The following MPRIP variants were observed in gnomAD, a reference collection of about 807,000 sequenced individuals.
MPRIP encodes myosin phosphatase Rho-interacting protein.
MPRIP carries 59 observed loss-of-function variants against 234.9 expected under a neutral mutation model. The observed-to-expected ratio is 0.25, with a 90% CI of 0.20 to 0.31. The LOEUF is 0.31. Among genes scored for constraint, MPRIP ranks in the 10% least tolerant of loss-of-function variants. The probability of loss-of-function intolerance (pLI) is 1.00; values close to 1 mark genes in which losing one functional copy is unlikely to be tolerated. For missense variants in MPRIP, 2,436 were observed against 3,071.0 expected (o/e 0.79, Z 4.89); for synonymous variants, 1,144 against 1,263.9 (o/e 0.91, Z 2.01).
At chr17:17,180,445 A>G (rs1268295539) in intron 23 of MPRIP, among the ~76,000 whole-genome samples, 2 of 152,212 alleles carry the variant, frequency 1.3e-5, no homozygotes, top group Admixed American at 6.5e-5. Flanking sequence ...TGCCGCCTCC[A>G]AGAGATGATG....
intron 1 of MPRIP, among the ~76,000 whole-genome samples, chr17:17,064,206 GTT>G (rs796815329): frequency 7.1e-6 from 1 of 140,518 alleles, no homozygotes. Flanking sequence ...TTTTTGTTTT[GTT>G]TTTTTTTTTT....
At chr17:17,085,712 G>A (rs1466014679) in intron 3 of MPRIP, among the ~76,000 whole-genome samples, 2 of 152,224 alleles carry the variant, frequency 1.3e-5, no homozygotes, top group East Asian at 3.9e-4. Flanking sequence ...AGGAGATCGA[G>A]ACCATCTAGC....
At position 17,158,862 on chromosome 17, in the gene MPRIP, A is replaced by T; in HGVS notation, c.2260A>T (p.Ile754Phe). 6.2e-7 allele frequency: 1 copy of T among 1,611,902 alleles called. No homozygotes were observed. Among genetic ancestry groups the T allele is most frequent in the East Asian group, 2.2e-5 (1 of 44,878 alleles). Residue 754 changes from isoleucine (I) to phenylalanine (F), a missense_variant, in exon 14 of 24, where the codon ATT (isoleucine) becomes TTT (phenylalanine). By Grantham distance (21) the Ile-to-Phe change is conservative. Around this residue, in one of 4 missense-constraint regions of MPRIP, gnomAD observed 1,998 missense variants for 2,520.3 expected, o/e 0.79. Transcript: ENST00000651222. ...DLKTHNVHVE[I>F]EQRWHQVETT... ...CAAAACGCATAACGTCCACGTGGAG[A>T]TTGAGCAGCGGTGGCATCAGGTGGA...
At chr17:17,160,356 G>C (rs952068296) in intron 14 of MPRIP, among the ~76,000 whole-genome samples, 6 of 152,114 alleles carry the variant, frequency 3.9e-5, no homozygotes, top group Non-Finnish European at 5.9e-5. Context: ...CAGAGCGAGA[G>C]TCCATCTCAA....
At position 17,158,558 on chromosome 17, in the gene MPRIP, G is replaced by T. The variant is rs1427295380; in HGVS notation, c.1956G>T (p.Arg652=). The part of the protein sequence containing the change: ...PEQKRSRARE[R]RREGRSKTFD... ...AGAAGAGGAGCCGCGCACGGGAGCG[G>T]AGGCGAGAGGGCCGCTCCAAGACCT... Residue 652 remains arginine, a synonymous_variant, in exon 14 of 24, where the codon CGG becomes CGT. Coordinates refer to ENST00000651222, the MANE Select transcript of MPRIP (RefSeq NM_001364716.4). The T allele has an allele frequency of 6.2e-7, 1 of 1,611,512 alleles. No homozygotes were observed. The highest frequency in any genetic ancestry group is 1.1e-5 in the South Asian group (1 of 90,944).
chr17:17,182,462 C>T (rs2046392193), intron 23 of MPRIP: 1 of 145,526 alleles, frequency 6.9e-6, no homozygotes. Flanking sequence ...CTACAGGAGG[C>T]ACTCAGTGGA....
intron 3 of MPRIP, among the ~76,000 whole-genome samples, chr17:17,083,142 G>A (rs2089505226): frequency 6.6e-6 from 1 of 152,238 alleles, no homozygotes; most frequent in East Asian, 1.9e-4. Context: ...GCCTGACTGT[G>A]TAGGGGCTGT....
At chr17:17,088,420 T>A (rs1452341104) in intron 3 of MPRIP, among the ~76,000 whole-genome samples, 1 of 152,226 alleles carries the variant, frequency 6.6e-6, no homozygotes, top group Non-Finnish European at 1.5e-5. Flanking sequence ...AAGCTTGGAA[T>A]AGTTGGTTAG....
chr17:17,174,553 C>T (rs1275370394), intron 19 of MPRIP, among the ~76,000 whole-genome samples: 3 of 152,168 alleles, frequency 2.0e-5, no homozygotes, highest in Non-Finnish European at 4.4e-5. Context: ...TTTGCTTGCT[C>T]TGTCCGGGCG....
At chr17:17,126,358 T>C (rs1050907373) in intron 3 of MPRIP, among the ~76,000 whole-genome samples, 1 of 152,184 alleles carries the variant, frequency 6.6e-6, no homozygotes, top group African/African-American at 2.4e-5. Context: ...TGGAGCTTTT[T>C]CTTGCTTCTC....
intron 2 of MPRIP, 31 bp from the exon 3 acceptor site, chr17:17,077,980 T>A (rs778316081): frequency 3.7e-5 from 59 of 1,613,396 alleles, no homozygotes; most frequent in Admixed American, 5.0e-5. Flanking sequence ...ACCCAGATCC[T>A]CCTAACCACC....
intron 4 of MPRIP, 36 bp from the exon 5 acceptor site, chr17:17,131,581 G>T (rs756018870): frequency 1.3e-6 from 2 of 1,580,286 alleles, no homozygotes; most frequent in East Asian, 4.5e-5. Context: ...GAGTGCCAGG[G>T]TCTTACCTGG....
At chr17:17,128,454 TC>T (rs2090535039) in intron 4 of MPRIP, among the ~76,000 whole-genome samples, 1 of 152,162 alleles carries the variant, frequency 6.6e-6, no homozygotes, top group Non-Finnish European at 1.5e-5. Flanking sequence ...CCTCACTCCA[TC>T]CCAAGCCCCT....
rs904208416 is a variant in MPRIP, at chr17:17,143,573, C to A, written c.1407C>A (p.Ala469=). 1 of 1,597,584 alleles carries A rather than the reference C, an allele frequency of 6.3e-7. No individual in the cohort carries two copies. Among genetic ancestry groups the A allele is most frequent in the Non-Finnish European group, 8.5e-7 (1 of 1,172,012 alleles). Residue 469 remains alanine, a synonymous_variant, in exon 9 of 24, where the codon GCC becomes GCA. Coordinates refer to ENST00000651222, the MANE Select transcript of MPRIP (RefSeq NM_001364716.4). ...FPRKRDFTNE[A]PPAPLPDASA... ...TGCCACAGGACTTCACCAATGAAGC[C>A]CCCCCAGCTCCTCTCCCAGACGCCT...
chr17:17,152,252 C>T (rs758803743), intron 12 of MPRIP, among the ~76,000 whole-genome samples: 3 of 152,374 alleles, frequency 2.0e-5, no homozygotes, highest in East Asian at 1.9e-4. Context: ...TGTCCTCATC[C>T]GCTGTGGGAG....
chr17:17,103,555 A>G (rs2090005058), intron 3 of MPRIP, among the ~76,000 whole-genome samples: 1 of 152,194 alleles, frequency 6.6e-6, no homozygotes. Context: ...TTGTTTTTGC[A>G]GGAGACGGAG....
chr17:17,154,424 G>A lies in MPRIP; in HGVS notation c.1829+9G>A, dbSNP rs751686618. 1.2e-5 allele frequency: 20 copies of A among 1,612,824 alleles called. No individual in the cohort carries two copies. The highest frequency in any genetic ancestry group is 1.3e-5 in the African/African-American group (1 of 74,906). On this transcript the variant is annotated intron_variant, in intron 13 of 23. Coordinates refer to ENST00000651222, the MANE Select transcript of MPRIP (RefSeq NM_001364716.4). ...GCCCCGGATGTGACCAGGTAGGATG[G>A]TGAAGACACCAGGGAGCCCTTTGTG...
intron 9 of MPRIP, among the ~76,000 whole-genome samples, chr17:17,145,207 C>T (rs2045431402): frequency 6.6e-6 from 1 of 152,232 alleles, no homozygotes; most frequent in Admixed American, 6.5e-5. Flanking sequence ...CAGAGGCTCC[C>T]AGAGCGCTTT....
rs1236584421 is a variant in MPRIP, at chr17:17,190,791, A to G, written c.*5897A>G. Reference sequence around the variant, plus strand: ...TCCGAGTCCTTAGGTGTTCGGATGCAGTACTTTGTGAATACTTAAGCTACT... The same window carrying G: ...TCCGAGTCCTTAGGTGTTCGGATGCGGTACTTTGTGAATACTTAAGCTACT... On this transcript the variant is annotated 3_prime_UTR_variant, in exon 24 of 24. Transcript: ENST00000651222. 6.6e-6 allele frequency: 1 copy of G among 152,224 alleles called. No individual in the cohort carries two copies. Among genetic ancestry groups the G allele is most frequent in the Non-Finnish European group, 1.5e-5 (1 of 68,042 alleles). 9.4% of individuals were successfully genotyped at this position (152,224 alleles called of 1,614,324 possible).
Sources: allele counts gnomAD v4.1 joint callset (sites outside exome capture counted in the v4.1 genomes callset), GRCh38; gene constraint gnomAD v4.1.1; regional missense constraint gnomAD v4.1.1; transcripts MANE v1.5; gene names NCBI Gene and HGNC (gene_info 2026-07-23, HGNC 2026-07-21).